The following FNIP2 variants were observed in gnomAD, a reference collection of about 807,000 sequenced individuals.
The protein encoded by FNIP2 is folliculin-interacting protein 2.
A neutral mutation model predicts 108.7 loss-of-function variants in FNIP2; 32 were observed. The observed-to-expected ratio is 0.29, with a 90% CI of 0.22 to 0.40. FNIP2 has a LOEUF of 0.40. Among genes scored for constraint, FNIP2 ranks in the 10% least tolerant of loss-of-function variants. The pLI is 1.00. For missense variants in FNIP2, 1,202 were observed against 1,381.6 expected, an observed-to-expected ratio of 0.87 and a Z score of 2.06; for synonymous variants, 480 against 496.7, an observed-to-expected ratio of 0.97 and a Z score of 0.45.
chr4:158,812,063 T>C (rs1336015728), intron 1 of FNIP2, among the ~76,000 whole-genome samples: 1 of 152,154 alleles, frequency 6.6e-6, no homozygotes, highest in Non-Finnish European at 1.5e-5. Context: ...GGTGGAGGTG[T>C]ACTGGTGGAT....
At chr4:158,867,264 C>T (rs1780636637) in intron 12 of FNIP2, among the ~76,000 whole-genome samples, 1 of 152,184 alleles carries the variant, frequency 6.6e-6, no homozygotes, top group African/African-American at 2.4e-5. Context: ...GCCATCTCAG[C>T]TCACTGCAAC....
Position 158,868,912 on chromosome 4 carries a change from A to G in FNIP2, c.2276A>G (p.Gln759Arg). The G allele has an allele frequency of 6.2e-7, 1 of 1,614,014 alleles. No homozygotes were observed. Among genetic ancestry groups the G allele is most frequent in the South Asian group, 1.1e-5 (1 of 91,086 alleles). ...GCCAGTGAGGCTGCTGATGTGGCTCAGGACCCGCAGGTTTCTAGGAGCCCT... is the reference window on the plus strand; with the variant it reads ...GCCAGTGAGGCTGCTGATGTGGCTCGGGACCCGCAGGTTTCTAGGAGCCCT... ...LEASEAADVA[Q>R]DPQVSRSPFK... The change falls in exon 13 of 17, where the codon CAG becomes CGG. Residue 759 changes from glutamine (Q) to arginine (R), a missense_variant. By Grantham distance (43) the Gln-to-Arg change is conservative. Around this residue, in one of 5 missense-constraint regions of FNIP2, gnomAD observed 878 missense variants for 990.3 expected, o/e 0.89. Coordinates refer to ENST00000264433, the MANE Select transcript of FNIP2 (RefSeq NM_020840.3). This position sits in a 1 kb window ranked among gnomAD's most constrained non-coding sequence, Gnocchi z 4.6.
At chr4:158,814,255 G>A (rs1300604002) in intron 1 of FNIP2, among the ~76,000 whole-genome samples, 1 of 152,190 alleles carries the variant, frequency 6.6e-6, no homozygotes, top group East Asian at 1.9e-4. Flanking sequence ...CAGTCGAGTT[G>A]GATGAGCACA....
chr4:158,798,529 A>G (rs754310189), intron 1 of FNIP2, among the ~76,000 whole-genome samples: 5 of 152,158 alleles, frequency 3.3e-5, no homozygotes, highest in Admixed American at 3.3e-4. Context: ...ATTTTTCTGA[A>G]TTATTGATTT....
intron 1 of FNIP2, among the ~76,000 whole-genome samples, chr4:158,803,194 A>G (rs1776819265): frequency 6.6e-6 from 1 of 152,214 alleles, no homozygotes; most frequent in African/African-American, 2.4e-5. Context: ...GATAACCCAA[A>G]TTATCTTCTA....
At chr4:158,902,185 T>G (rs1383606507) in intron 16 of FNIP2, among the ~76,000 whole-genome samples, 1 of 152,144 alleles carries the variant, frequency 6.6e-6, no homozygotes, top group Non-Finnish European at 1.5e-5. Flanking sequence ...TGGACGTCCT[T>G]TTTGTTGATG....
At chr4:158,838,862 T>A (rs566672789) in intron 7 of FNIP2, among the ~76,000 whole-genome samples, 1 of 152,280 alleles carries the variant, frequency 6.6e-6, no homozygotes, top group South Asian at 2.1e-4. Flanking sequence ...GTTTCTCAGA[T>A]TTTCTTTGTT....
intron 13 of FNIP2, 148 bp downstream of exon 13, chr4:158,869,576 T>A: frequency 8.2e-7 from 1 of 1,214,058 alleles, no homozygotes; most frequent in Non-Finnish European, 1.1e-6. Flanking sequence ...TTATTAATTC[T>A]ATACAAACGG....
chr4:158,849,479 G>A (rs1779579812), intron 7 of FNIP2, among the ~76,000 whole-genome samples: 2 of 152,120 alleles, frequency 1.3e-5, no homozygotes, highest in Admixed American at 6.5e-5. Flanking sequence ...TGTCAACCTT[G>A]TTCTCTGCCT....
chr4:158,782,942 A>C (rs1776103020), intron 1 of FNIP2, among the ~76,000 whole-genome samples: 1 of 152,198 alleles, frequency 6.6e-6, no homozygotes, highest in African/African-American at 2.4e-5. Context: ...AGTAGGTGCA[A>C]ATCCACACTT....
rs543486348 is a variant in FNIP2, at chr4:158,790,427, T to A, written c.107+21108T>A. Among the ~76,000 whole-genome samples, 4 of 152,136 alleles carry A rather than the reference T, an allele frequency of 2.6e-5. No individual in the cohort carries two copies. The South Asian group carries it at 8.3e-4, about 32-fold the overall frequency. On this transcript the variant is annotated intron_variant, in intron 1 of 16. Transcript: ENST00000264433. ...TCAGATAAGGGATACTCAACCTGTA[T>A]ACCAAAAAATAGGCACAAGGAGACC...
At chr4:158,814,619 A>T (rs908975814) in intron 1 of FNIP2, among the ~76,000 whole-genome samples, 1 of 152,212 alleles carries the variant, frequency 6.6e-6, no homozygotes, top group Non-Finnish European at 1.5e-5. Flanking sequence ...AGCAATCATA[A>T]ACTGAAAGAC....
chr4:158,847,695 T>C lies in FNIP2; in HGVS notation c.728-3626T>C, dbSNP rs1009023612. Among the ~76,000 whole-genome samples the C allele has an allele frequency of 3.3e-5, 5 of 152,250 alleles. No homozygotes were observed. The East Asian group carries it at 9.7e-4, about 29-fold the overall frequency. On this transcript the variant is annotated intron_variant, in intron 7 of 16. Transcript: ENST00000264433. ...GTGGGGTAGAGCACCAAGCAGGCACTTAGGGTCCTCAGTTCCAGACATTGG... is the reference window on the plus strand; with the variant it reads ...GTGGGGTAGAGCACCAAGCAGGCACCTAGGGTCCTCAGTTCCAGACATTGG...
chr4:158,775,798 T>C (rs1775842025), intron 1 of FNIP2, among the ~76,000 whole-genome samples: 1 of 152,228 alleles, frequency 6.6e-6, no homozygotes, highest in Non-Finnish European at 1.5e-5. Flanking sequence ...ATAAATGTTG[T>C]ATAGCAGAGT....
rs2126703538 is a variant in FNIP2, at chr4:158,868,839, A to C, written c.2203A>C (p.Met735Leu). The C allele has an allele frequency of 1.9e-6, 3 of 1,613,800 alleles. No individual in the cohort carries two copies. Among genetic ancestry groups the C allele is most frequent in the East Asian group, 2.2e-5 (1 of 44,876 alleles). The change falls in exon 13 of 17, where the codon ATG becomes CTG. Residue 735 changes from methionine (M) to leucine (L), a missense_variant. By Grantham distance (15) the Met-to-Leu change is conservative. Coordinates refer to ENST00000264433, the MANE Select transcript of FNIP2 (RefSeq NM_020840.3). This position sits in a 1 kb window ranked among gnomAD's most constrained non-coding sequence, Gnocchi z 4.6. ...ASPESDFESR[M>L]KKMEERVKAC... ...TCCAGAGTCTGACTTTGAAAGCCGC[A>C]TGAAAAAAATGGAGGAACGGGTGAA...
chr4:158,779,567 C>T (rs1055967885), intron 1 of FNIP2, among the ~76,000 whole-genome samples: 1 of 93,110 alleles, frequency 1.1e-5, no homozygotes, highest in Non-Finnish European at 1.9e-5. Flanking sequence ...CTTTGTTGGT[C>T]GTGGTTTTTT....
At chr4:158,854,295 C>T (rs1779862129) in intron 8 of FNIP2, among the ~76,000 whole-genome samples, 1 of 152,230 alleles carries the variant, frequency 6.6e-6, no homozygotes, top group Non-Finnish European at 1.5e-5. Flanking sequence ...ACTGGCCTCC[C>T]ACCCTGGTTC....
rs568815905 is a variant in FNIP2, at chr4:158,796,602, A to G, written c.107+27283A>G. Among the ~76,000 whole-genome samples the G allele has an allele frequency of 9.2e-5, 14 of 152,338 alleles. No individual in the cohort carries two copies. In the South Asian group the frequency reaches 2.9e-3, roughly 32 times the overall value. On this transcript the variant is annotated intron_variant, in intron 1 of 16. Transcript: ENST00000264433. Reference sequence around the variant, plus strand: ...TCTTGGCTTCATGTTGTATAAATACAGTGCAATCATCTATGAGTTTAGCAA... The same window carrying G: ...TCTTGGCTTCATGTTGTATAAATACGGTGCAATCATCTATGAGTTTAGCAA...
At chr4:158,822,625 GTAGCTGGGAC>G (rs1777946865) in intron 1 of FNIP2, among the ~76,000 whole-genome samples, 1 of 152,202 alleles carries the variant, frequency 6.6e-6, no homozygotes, top group East Asian at 1.9e-4. Context: ...AGCTTCCTAA[GTAGCTGGGAC>G]TACAGGTGTA....
Sources: allele counts gnomAD v4.1 joint callset (sites outside exome capture counted in the v4.1 genomes callset), GRCh38; gene constraint gnomAD v4.1.1; regional missense constraint gnomAD v4.1.1; non-coding constraint Gnocchi (gnomAD v3.1); transcripts MANE v1.5; gene names NCBI Gene and HGNC (gene_info 2026-07-23, HGNC 2026-07-21).